Variants in RGS6 observed in about 807,000 individuals in gnomAD.
RGS6 encodes regulator of G protein signaling 6, also known as regulator of G-protein signaling 6.
Under a neutral mutation model 78.5 loss-of-function variants are expected in RGS6, and 30 were observed. The observed-to-expected ratio is 0.38, with a 90% CI of 0.29 to 0.52. The LOEUF (loss-of-function observed/expected upper bound fraction) is 0.52, where lower values mean the gene tolerates loss of function less well. Among genes scored for constraint, RGS6 ranks in the 20% least tolerant of loss-of-function variants. RGS6 has a pLI of 0.85. For synonymous variants in RGS6, 206 were observed against 206.0 expected, an observed-to-expected ratio of 1.00 and a Z score of 0.00; for missense variants, 495 against 609.7, an observed-to-expected ratio of 0.81 and a Z score of 1.98.
intron 3 of RGS6, among the ~76,000 whole-genome samples, chr14:72,383,483 G>A (rs956743566): frequency 6.6e-6 from 1 of 151,940 alleles, no homozygotes; most frequent in Admixed American, 6.6e-5. Context: ...CACCCACACT[G>A]TCAAGATTCT....
chr14:72,508,562 CTTTTTTTTTTTTTT>C lies in RGS6; in HGVS notation c.966-1574_966-1561del, dbSNP rs61097187. Among the ~76,000 whole-genome samples the C allele has an allele frequency of 4.3e-3, 244 of 56,488 alleles. 1 individual carries two copies. The Middle Eastern group carries it at 0.12, about 27-fold the overall frequency. The allele number at this position is 56,488 out of a possible 152,430, so 37.1% of individuals were successfully genotyped here. A position where few individuals can be genotyped will look rare whatever the true frequency, so the allele number is the denominator to read the frequency against. On this transcript the variant is annotated intron_variant, in intron 13 of 17. Coordinates refer to ENST00000553525, the MANE Select transcript of RGS6 (RefSeq NM_001204424.2). ...CCAAGCTTTCCACGCACACAAGCTC[CTTTTTTTTTTTTTT>C]TTTTTTTTTTTTTTTTTACTAAGTG...
At chr14:72,405,306 T>C in intron 3 of RGS6, among the ~76,000 whole-genome samples, 1 of 152,176 alleles carries the variant, frequency 6.6e-6, no homozygotes, top group East Asian at 1.9e-4. Context: ...CTGACAGCAG[T>C]ATTTCCATCT....
At chr14:72,214,608 G>C (rs932531677) in intron 2 of RGS6, among the ~76,000 whole-genome samples, 1 of 152,100 alleles carries the variant, frequency 6.6e-6, no homozygotes, top group African/African-American at 2.4e-5. Flanking sequence ...TAGTAAAATT[G>C]CTTAATTATA....
intron 2 of RGS6, among the ~76,000 whole-genome samples, chr14:72,127,421 T>C (rs2096222346): frequency 6.6e-6 from 1 of 152,196 alleles, no homozygotes; most frequent in African/African-American, 2.4e-5. Context: ...ATTTTAATAT[T>C]TAATTGTTTT....
At position 72,455,646 on chromosome 14, in the gene RGS6, A is replaced by C. The variant is rs143806594; in HGVS notation, c.235+1068A>C. 9.3e-3 allele frequency among the ~76,000 whole-genome samples: 1,412 copies of C among 152,284 alleles called. 15 individuals carry two copies. The highest frequency in any genetic ancestry group is 0.022 in the African/African-American group (910 of 41,558). On this transcript the variant is annotated intron_variant, in intron 4 of 17. Transcript: ENST00000553525. ...TTAGTGGCTACTCTCACAACTAGTG[A>C]AAATTCTTAATTCTAGTCAAGTTCT...
At chr14:72,281,144 CTTTT>C (rs11381940) in intron 2 of RGS6, among the ~76,000 whole-genome samples, 1 of 112,862 alleles carries the variant, frequency 8.9e-6, no homozygotes, top group African/African-American at 3.5e-5. Context: ...AAACAAGATT[CTTTT>C]TTTTTTTTTT....
chr14:71,868,051 C>T, the RGS6 span, among the ~76,000 whole-genome samples: 16 of 152,286 alleles, frequency 1.1e-4, no homozygotes, highest in East Asian at 2.9e-3. Flanking sequence ...TTACAACCAA[C>T]CAAGGAAAGG....
At chr14:72,541,722 G>A in intron 17 of RGS6, 2 of 1,297,898 alleles carry the variant, frequency 1.5e-6, no homozygotes, top group East Asian at 5.1e-5. Context: ...GGGTGCCTGT[G>A]TAAGCAGAGC....
chr14:72,404,112 A>G (rs2153016640), intron 3 of RGS6, among the ~76,000 whole-genome samples: 1 of 152,332 alleles, frequency 6.6e-6, no homozygotes, highest in African/African-American at 2.4e-5. Context: ...CTCGCATGGC[A>G]TGAGGAGGAA....
chr14:71,956,801 AG>A (rs2092825075), intron 1 of RGS6, among the ~76,000 whole-genome samples: 1 of 152,152 alleles, frequency 6.6e-6, no homozygotes, highest in Admixed American at 6.6e-5. Context: ...AACCATCACA[AG>A]GGGAGATGCA....
chr14:72,087,524 G>T (rs1172469856), intron 2 of RGS6, among the ~76,000 whole-genome samples: 2 of 152,150 alleles, frequency 1.3e-5, no homozygotes, highest in Non-Finnish European at 2.9e-5. Flanking sequence ...TACAACATGG[G>T]TCAGTCTTAC....
At chr14:72,592,381 C>T in the RGS6 span, among the ~76,000 whole-genome samples, 1 of 152,252 alleles carries the variant, frequency 6.6e-6, no homozygotes, top group Non-Finnish European at 1.5e-5. Flanking sequence ...AGCATTAGAA[C>T]ATTCCATGGC....
At chr14:72,347,430 C>T (rs1404121937) in intron 2 of RGS6, among the ~76,000 whole-genome samples, 2 of 152,224 alleles carry the variant, frequency 1.3e-5, no homozygotes, top group Non-Finnish European at 2.9e-5. Flanking sequence ...GGGTCAATTT[C>T]TCTGCATCCT....
At chr14:72,513,294 G>A (rs1183741715) in intron 14 of RGS6, among the ~76,000 whole-genome samples, 2 of 152,140 alleles carry the variant, frequency 1.3e-5, no homozygotes, top group Non-Finnish European at 1.5e-5. Context: ...GTGTCACCCT[G>A]GATCCTTTAA....
intron 2 of RGS6, among the ~76,000 whole-genome samples, chr14:72,275,300 A>G (rs887048930): frequency 6.6e-6 from 1 of 152,242 alleles, no homozygotes; most frequent in South Asian, 2.1e-4. Flanking sequence ...CTTAATAACC[A>G]TAATACTAAC....
At chr14:72,128,967 C>G (rs1228612259) in intron 2 of RGS6, among the ~76,000 whole-genome samples, 3 of 152,184 alleles carry the variant, frequency 2.0e-5, no homozygotes, top group Non-Finnish European at 4.4e-5. Context: ...CGTTTTAGCA[C>G]TGACAGTAAA....
At chr14:72,308,170 A>T (rs1465902242) in intron 2 of RGS6, among the ~76,000 whole-genome samples, 1 of 152,082 alleles carries the variant, frequency 6.6e-6, no homozygotes, top group Non-Finnish European at 1.5e-5. Context: ...TCTCTTGTTT[A>T]TTTTGGGTTG....
intron 2 of RGS6, among the ~76,000 whole-genome samples, chr14:72,292,077 G>T (rs1488237812): frequency 6.6e-6 from 1 of 151,902 alleles, no homozygotes; most frequent in Non-Finnish European, 1.5e-5. Flanking sequence ...GGAGCCGTGT[G>T]ATCCAGACTG....
At chr14:72,607,588 G>T in the RGS6 span, among the ~76,000 whole-genome samples, 20 of 152,308 alleles carry the variant, frequency 1.3e-4, no homozygotes, top group African/African-American at 4.6e-4. Flanking sequence ...TGCAATGCCG[G>T]GTTCCCTGGG....
Sources: gnomAD v4.1 joint callset for allele counts (sites outside exome capture counted in the v4.1 genomes callset) on GRCh38, gnomAD v4.1.1 for gene constraint, MANE v1.5 for transcripts, NCBI Gene and HGNC (gene_info 2026-07-23, HGNC 2026-07-21) for gene names.